The following PLCE1 variants were observed in gnomAD, a reference collection of about 807,000 sequenced individuals.
PLCE1 encodes phospholipase C epsilon 1.
In PLCE1, 119 loss-of-function variants were observed where a neutral mutation model predicts 242.8. That is an observed-to-expected ratio of 0.49 (90% CI 0.42 to 0.57). PLCE1 has a LOEUF of 0.57. Among genes scored for constraint, PLCE1 ranks in the 20% least tolerant of loss-of-function variants. The probability of loss-of-function intolerance (pLI) is 0.00; values close to 1 mark genes in which losing one functional copy is unlikely to be tolerated. For synonymous variants in PLCE1, 945 were observed against 1,017.4 expected (o/e 0.93, Z 1.35); for missense variants, 2,441 against 2,788.8 (o/e 0.88, Z 2.81).
chr10:94,023,719 TGTTA>T (rs1422154458), intron 1 of PLCE1, among the ~76,000 whole-genome samples: 1 of 152,166 alleles, frequency 6.6e-6, no homozygotes, highest in African/African-American at 2.4e-5. Context: ...CTTATCAATG[TGTTA>T]GTTCAAAAAT....
intron 1 of PLCE1, among the ~76,000 whole-genome samples, chr10:94,001,739 ATTAAT>A (rs2060935116): frequency 6.6e-6 from 1 of 152,226 alleles, no homozygotes; most frequent in African/African-American, 2.4e-5. Flanking sequence ...ATTTGTTGTT[ATTAAT>A]AACACAAACT....
chr10:94,148,079 A>T (rs1344181508), intron 3 of PLCE1, among the ~76,000 whole-genome samples: 1 of 152,212 alleles, frequency 6.6e-6, no homozygotes, highest in Admixed American at 6.5e-5. Context: ...GGGGCAAGTT[A>T]CTTAACTCTT....
chr10:94,022,599 T>A (rs944513105), intron 1 of PLCE1, among the ~76,000 whole-genome samples: 1 of 152,128 alleles, frequency 6.6e-6, no homozygotes, highest in Non-Finnish European at 1.5e-5. Flanking sequence ...AATTGATATA[T>A]TGATTTAAGC....
At chr10:94,276,372 A>C (rs911275957) in intron 19 of PLCE1, among the ~76,000 whole-genome samples, 1 of 152,202 alleles carries the variant, frequency 6.6e-6, no homozygotes, top group African/African-American at 2.4e-5. Context: ...GTCTTTAGAG[A>C]AGCCCTTTTC....
chr10:94,014,561 A>G (rs1046568883), intron 1 of PLCE1, among the ~76,000 whole-genome samples: 2 of 152,132 alleles, frequency 1.3e-5, no homozygotes, highest in African/African-American at 4.8e-5. Context: ...GTACATTTAC[A>G]TTGTTTTGCA....
chr10:94,227,307 T>A lies in PLCE1; in HGVS notation c.1811T>A (p.Val604Glu). Residue 604 changes from valine (V) to glutamate (E), a missense_variant and splice_region_variant, in exon 5 of 33, where the codon GTG becomes GAG. Around this residue, in one of 5 missense-constraint regions of PLCE1, gnomAD observed 733 missense variants for 754.2 expected, o/e 0.97. Transcript: ENST00000371380. Reference protein sequence around the residue: ...LEDLVMRFNEVSSWVTWLILT... With the variant: ...LEDLVMRFNEESSWVTWLILT... The stretch of plus-strand genomic sequence containing the variant: ...TGAATGTCTCTGTGTGTTTTCCAGG[T>A]GAGCTCCTGGGTGACATGGCTGATC... 1 of 1,613,908 alleles carries A rather than the reference T, an allele frequency of 6.2e-7. No individual in the cohort carries two copies. Among genetic ancestry groups the A allele is most frequent in the Non-Finnish European group, 8.5e-7 (1 of 1,179,758 alleles).
chr10:94,262,062 G>A (rs566920435), intron 13 of PLCE1, among the ~76,000 whole-genome samples: 13 of 150,136 alleles, frequency 8.7e-5, no homozygotes, highest in South Asian at 6.3e-4. Context: ...GTGCAGTGGC[G>A]TAATCTTGGC....
rs554172465 is a variant in PLCE1, at chr10:94,210,237, G to C, written c.1810-17069G>C. Among the ~76,000 whole-genome samples, 335 of 150,956 alleles carry C rather than the reference G, an allele frequency of 2.2e-3. 1 individual carries two copies. Among genetic ancestry groups the C allele is most frequent in the South Asian group, 8.2e-3 (39 of 4,756 alleles). ...CATCTATGCCGTAAGCACTTCCCAA[G>C]TAAATATTTCTTGAAAGAGATTTCT... On this transcript the variant is annotated intron_variant, in intron 4 of 32. Transcript: ENST00000371380.
intron 2 of PLCE1, among the ~76,000 whole-genome samples, chr10:94,060,421 G>A (rs2044016003): frequency 6.6e-6 from 1 of 152,056 alleles, no homozygotes; most frequent in African/African-American, 2.4e-5. Flanking sequence ...ATATAGAAAA[G>A]AATAAAGGTA....
At chr10:94,310,728 T>G (rs1213954229) in intron 27 of PLCE1, among the ~76,000 whole-genome samples, 2 of 152,188 alleles carry the variant, frequency 1.3e-5, no homozygotes, top group Non-Finnish European at 2.9e-5. Flanking sequence ...TGAACTGTTT[T>G]TACTCACGAC....
At chr10:94,182,936 A>G (rs1451531930) in intron 4 of PLCE1, among the ~76,000 whole-genome samples, 2 of 152,194 alleles carry the variant, frequency 1.3e-5, no homozygotes, top group Non-Finnish European at 1.5e-5. Context: ...AGGAATTTTG[A>G]CCTATGTGAG....
chr10:94,076,045 A>C (rs1261545228), intron 2 of PLCE1, among the ~76,000 whole-genome samples: 3 of 152,134 alleles, frequency 2.0e-5, no homozygotes, highest in Non-Finnish European at 4.4e-5. Context: ...GCTCAAGGCC[A>C]AATCCTAGTC....
chr10:94,179,512 G>GTTTTTTGTTTTTTTTT (rs1554877548), intron 4 of PLCE1, among the ~76,000 whole-genome samples: 1 of 19,398 alleles, frequency 5.2e-5, no homozygotes, highest in Admixed American at 8.8e-4. Flanking sequence ...TTTTAGTTTA[G>GTTTTTTGTTTTTTTTT]TTTTTTTTTT....
At chr10:94,100,734 GT>G (rs1271139582) in intron 2 of PLCE1, 16 of 152,302 alleles carry the variant, frequency 1.1e-4, no homozygotes, top group African/African-American at 3.1e-4. Context: ...ACACTTTGGT[GT>G]GAGTTAATTG....
At chr10:94,227,979 G>T (rs370538015) in intron 5 of PLCE1, among the ~76,000 whole-genome samples, 1 of 152,180 alleles carries the variant, frequency 6.6e-6, no homozygotes, top group African/African-American at 2.4e-5. Flanking sequence ...CTCAAAACAG[G>T]TTTATCAGGT....
intron 7 of PLCE1, among the ~76,000 whole-genome samples, chr10:94,241,234 A>G (rs1002282855): frequency 5.3e-5 from 8 of 152,342 alleles, no homozygotes; most frequent in Non-Finnish European, 2.9e-5. Flanking sequence ...CAGCAGAAAC[A>G]GGCTCCAGAA....
At chr10:94,051,019 G>GC in intron 2 of PLCE1, among the ~76,000 whole-genome samples, 1 of 152,048 alleles carries the variant, frequency 6.6e-6, no homozygotes, top group Non-Finnish European at 1.5e-5. Flanking sequence ...CTGAGGCAGA[G>GC]TATTAATATT....
At chr10:94,284,499 G>A (rs563788965) in intron 21 of PLCE1, among the ~76,000 whole-genome samples, 2 of 152,292 alleles carry the variant, frequency 1.3e-5, no homozygotes, top group African/African-American at 2.4e-5. Context: ...ATCTTTAGAC[G>A]CAGTTGCAGT....
At position 94,246,915 on chromosome 10, in the gene PLCE1, C is replaced by T. The variant is rs567167335; in HGVS notation, c.3096+294C>T. On this transcript the variant is annotated intron_variant, in intron 8 of 32. Transcript: ENST00000371380. ...TCACCCAAGGTCAGGAGTTTGAGAC[C>T]GGCCTGGCCAACATGGTGAAACCCC... Among the ~76,000 whole-genome samples the T allele has an allele frequency of 3.9e-5, 6 of 152,158 alleles. No homozygotes were observed. In the East Asian group the frequency reaches 5.8e-4, roughly 15 times the overall value.
Sources: allele counts gnomAD v4.1 joint callset (sites outside exome capture counted in the v4.1 genomes callset), GRCh38; gene constraint gnomAD v4.1.1; regional missense constraint gnomAD v4.1.1; transcripts MANE v1.5; gene names NCBI Gene and HGNC (gene_info 2026-07-23, HGNC 2026-07-21).